The following MVK variants were observed in gnomAD, a reference collection of about 807,000 sequenced individuals.
MVK encodes LH receptor mRNA-binding protein.
A neutral mutation model predicts 43.2 loss-of-function variants in MVK; 34 were observed. The ratio of observed to expected loss-of-function variants is 0.79; its 90% CI spans 0.60 to 1.05. MVK has a LOEUF of 1.05. MVK is among the 50% of genes least tolerant of loss of function. The pLI, the probability that MVK is intolerant of heterozygous loss-of-function variation, is 0.00. For missense variants in MVK, 395 were observed against 504.0 expected, an observed-to-expected ratio of 0.78 and a Z score of 2.07; for synonymous variants, 190 against 219.8, an observed-to-expected ratio of 0.86 and a Z score of 1.20.
In MVK at chr12:109,579,959, T is replaced by C. The variant is rs201201471; in HGVS notation, c.371+13T>C. 1,082 of 1,614,140 alleles carry C rather than the reference T, an allele frequency of 6.7e-4. 1 individual carries two copies. The highest frequency in any genetic ancestry group is 8.7e-4 in the Non-Finnish European group (1,031 of 1,180,024). ...GCCGGAAGCAGAGGTGTGTGCGTGG[T>C]CTGGGGAAGGAGTCCAGATTCAGCC... On this transcript the variant is annotated intron_variant, in intron 4 of 10. Transcript: ENST00000228510.
At chr12:109,589,852 G>A (rs1885593886) in intron 7 of MVK, 1 of 152,250 alleles carries the variant, frequency 6.6e-6, no homozygotes. Context: ...ATGTCAGCTT[G>A]AGCCCTCGAA....
rs557876466 is a variant in MVK at position 109,586,875 on chromosome 12, G to A, written c.677+76G>A. ...CAGGGGGCAGAGCTCTGCACCTTTG[G>A]GAAGTACCATAGGAGGCAGGTGTCC... On this transcript the variant is annotated intron_variant, in intron 7 of 10. Coordinates refer to ENST00000228510, the MANE Select transcript of MVK (RefSeq NM_000431.4). 123 of 1,571,934 alleles carry A rather than the reference G, an allele frequency of 7.8e-5. 1 individual carries two copies. The East Asian group carries it at 1.3e-3, about 17-fold the overall frequency.
At chr12:109,585,222 A>G (rs1047685767) in intron 5 of MVK, among the ~76,000 whole-genome samples, 1 of 152,186 alleles carries the variant, frequency 6.6e-6, no homozygotes, top group Non-Finnish European at 1.5e-5. Context: ...ATTTGAATTC[A>G]TAATGATCGT....
chr12:109,579,137 A>AT (rs758612897), intron 3 of MVK: 13,488 of 322,858 alleles, frequency 0.042, 6 homozygotes, highest in South Asian at 0.089. Flanking sequence ...TAAGACTACA[A>AT]TTTTTTTTTT....
chr12:109,596,701 C>A lies in MVK; in HGVS notation c.*124C>A. 1 of 1,380,174 alleles carries A rather than the reference C, an allele frequency of 7.2e-7. No homozygotes were observed. The highest frequency in any genetic ancestry group is 1.2e-5 in the South Asian group (1 of 81,684). The allele number at this position is 1,380,174 out of a possible 1,614,324, so 85.5% of individuals were successfully genotyped here. A position where few individuals can be genotyped will look rare whatever the true frequency, so the allele number is the denominator to read the frequency against. On this transcript the variant is annotated 3_prime_UTR_variant, in exon 11 of 11. Transcript: ENST00000228510. ...CTGACACTGCTGGAGAGGCCCCAGC[C>A]GCTTGGCGATGCCAGCCAAGCTCTG...
At chr12:109,590,580 A>G in intron 7 of MVK, 191 bp from the exon 8 acceptor site, 2 of 647,692 alleles carry the variant, frequency 3.1e-6, no homozygotes, top group Non-Finnish European at 5.6e-6. Flanking sequence ...ATGGCCACCC[A>G]ACCAGTGCCT....
chr12:109,578,403 G>A (rs1174700356), intron 3 of MVK, among the ~76,000 whole-genome samples: 1 of 151,336 alleles, frequency 6.6e-6, no homozygotes, highest in Non-Finnish European at 1.5e-5. Context: ...TGCTACTACA[G>A]TGAACACTTA....
At chr12:109,576,878 A>C (rs1884981431) in intron 3 of MVK, among the ~76,000 whole-genome samples, 2 of 152,106 alleles carry the variant, frequency 1.3e-5, no homozygotes, top group Admixed American at 6.5e-5. Flanking sequence ...CTCAAAAAAA[A>C]AAAAAAAAAT....
chr12:109,585,621 T>C (rs1287884819), intron 5 of MVK, among the ~76,000 whole-genome samples: 1 of 151,942 alleles, frequency 6.6e-6, no homozygotes. Context: ...ATACAAAAAT[T>C]AGCTGGGCGT....
rs745943064 is a variant in MVK, at chr12:109,575,974, T to C, written c.79-24T>C. ...CCTTTGCCACTCACCCTCAGGCTTA[T>C]TGCTTTTGTCATTTATTCTATAGGT... On this transcript the variant is annotated intron_variant, in intron 2 of 10. Transcript: ENST00000228510. 4.3e-6 allele frequency: 7 copies of C among 1,614,022 alleles called. No individual in the cohort carries two copies. The Middle Eastern group carries it at 9.9e-4, about 228-fold the overall frequency.
chr12:109,581,357 T>G, intron 4 of MVK, 38 bp from the exon 5 acceptor site: 1 of 1,612,160 alleles, frequency 6.2e-7, no homozygotes, highest in Non-Finnish European at 8.5e-7. Context: ...CCCACTGCCC[T>G]GCGGGAGAGT....
At chr12:109,587,511 C>G (rs142112090) in intron 7 of MVK, among the ~76,000 whole-genome samples, 179 of 152,320 alleles carry the variant, frequency 1.2e-3, no homozygotes, top group Middle Eastern at 0.01. Flanking sequence ...AGAGGGGAGC[C>G]AGGTGCCTTT....
rs104895356 is a variant in MVK at position 109,591,349 on chromosome 12, G to C, written c.877G>C (p.Val293Leu). 1.9e-6 allele frequency: 3 copies of C among 1,614,084 alleles called. No homozygotes were observed. Among genetic ancestry groups the C allele is most frequent in the Non-Finnish European group, 2.5e-6 (3 of 1,179,984 alleles). ...GEAPAPEQYL[V>L]LEELIDMNQH... is the part of the protein sequence containing the mutation. Reference sequence around the variant, plus strand: ...AGCCCCAGCCCCGGAGCAGTACCTCGTGCTGGAAGTAAGAGCCTGTCTGCA... The same window carrying C: ...AGCCCCAGCCCCGGAGCAGTACCTCCTGCTGGAAGTAAGAGCCTGTCTGCA... Residue 293 changes from valine (V) to leucine (L), a missense_variant, in exon 9 of 11, where the codon GTG (valine) becomes CTG (leucine). Transcript: ENST00000228510.
At position 109,595,403 on chromosome 12, in the gene MVK, G is replaced by A. The variant is rs1885876686; in HGVS notation, c.1039+222G>A. 6.6e-6 allele frequency among the ~76,000 whole-genome samples: 1 copy of A among 152,132 alleles called. No homozygotes were observed. Among genetic ancestry groups the A allele is most frequent in the Non-Finnish European group, 1.5e-5 (1 of 68,028 alleles). ...GTTGCCCAGATTCAAGCAGGAAAGT[G>A]CACCTAGAGAGCCTGGTGCAGGGCT... On this transcript the variant is annotated intron_variant, in intron 10 of 10. Transcript: ENST00000228510. This position sits in a 1 kb window ranked among gnomAD's most constrained non-coding sequence, Gnocchi z 5.9.
At chr12:109,588,597 A>G (rs1166920563) in intron 7 of MVK, 1 of 152,364 alleles carries the variant, frequency 6.6e-6, no homozygotes, top group Non-Finnish European at 1.5e-5. Flanking sequence ...TGGTGCCCTC[A>G]GGTGAGTCAC....
intron 5 of MVK, 47 bp downstream of exon 5, chr12:109,581,597 C>T: frequency 9.3e-6 from 15 of 1,613,244 alleles, no homozygotes; most frequent in Non-Finnish European, 1.3e-5. Context: ...CACGGCAGGA[C>T]AGGGACGTGG....
At chr12:109,581,873 G>A (rs906643436) in intron 5 of MVK, among the ~76,000 whole-genome samples, 10 of 152,200 alleles carry the variant, frequency 6.6e-5, no homozygotes, top group Non-Finnish European at 1.3e-4. Context: ...AGGGCAGCAG[G>A]TTAGATGAAC....
At chr12:109,577,825 C>T (rs1464477409) in intron 3 of MVK, among the ~76,000 whole-genome samples, 1 of 152,168 alleles carries the variant, frequency 6.6e-6, no homozygotes, top group African/African-American at 2.4e-5. Flanking sequence ...CAGTTAAAAG[C>T]CACTCCTTTG....
At chr12:109,593,349 C>A (rs561889755) in intron 9 of MVK, among the ~76,000 whole-genome samples, 1 of 152,228 alleles carries the variant, frequency 6.6e-6, no homozygotes, top group African/African-American at 2.4e-5. Flanking sequence ...CCTGCCTGAC[C>A]GGCCATCCCC....
Sources: allele counts gnomAD v4.1 joint callset (sites outside exome capture counted in the v4.1 genomes callset), GRCh38; gene constraint gnomAD v4.1.1; non-coding constraint Gnocchi (gnomAD v3.1); transcripts MANE v1.5; gene names NCBI Gene and HGNC (gene_info 2026-07-23, HGNC 2026-07-21).